Variants in ARID3A observed in about 807,000 individuals in gnomAD.
ARID3A encodes the protein AT-rich interactive domain-containing protein 3A.
In ARID3A, 11 loss-of-function variants were observed where a neutral mutation model predicts 52.7. The observed-to-expected ratio is 0.21, with a 90% CI of 0.13 to 0.35. ARID3A has a LOEUF of 0.35. ARID3A is among the 10% of genes least tolerant of loss of function. The pLI, the probability that ARID3A is intolerant of heterozygous loss-of-function variation, is 1.00. For synonymous variants in ARID3A, 404 were observed against 359.4 expected (o/e 1.12, Z -1.40); for missense variants, 721 against 838.5 (o/e 0.86, Z 1.73).
chr19:926,894 T>A (rs2037212154), intron 1 of ARID3A, among the ~76,000 whole-genome samples: 1 of 151,122 alleles, frequency 6.6e-6, no homozygotes, highest in African/African-American at 2.4e-5. Context: ...CCCCCCCCCA[T>A]GCAAATCGGC....
intron 6 of ARID3A, among the ~76,000 whole-genome samples, 190 bp from the exon 7 acceptor site, chr19:966,382 C>G (rs566171547): frequency 2.0e-5 from 3 of 148,336 alleles, no homozygotes; most frequent in Admixed American, 1.4e-4. Context: ...CACTTGAACC[C>G]GGGAGGCAGA....
intron 6 of ARID3A, among the ~76,000 whole-genome samples, chr19:965,511 TAGTG>T (rs1241647584): frequency 6.8e-6 from 1 of 147,046 alleles, no homozygotes; most frequent in African/African-American, 2.6e-5. Flanking sequence ...CTGGGCAACA[TAGTG>T]AGACCCCATC....
Position 970,767 on chromosome 19 carries a change from C to G in ARID3A, c.1595-1111C>G, listed in dbSNP as rs149825174. ...GGATTACAGGCATTAGCCACCACACCCGGCGGTAAATGAATAGTTTTTCTT... is the reference window on the plus strand; with the variant it reads ...GGATTACAGGCATTAGCCACCACACGCGGCGGTAAATGAATAGTTTTTCTT... On this transcript the variant is annotated intron_variant, in intron 8 of 8. Coordinates refer to ENST00000263620, the MANE Select transcript of ARID3A (RefSeq NM_005224.3). Among the ~76,000 whole-genome samples the G allele has an allele frequency of 1.5e-4, 23 of 151,980 alleles. 1 individual carries two copies. The South Asian group carries it at 2.3e-3, about 15-fold the overall frequency.
At position 932,639 on chromosome 19, in the gene ARID3A, G is replaced by T. The variant is rs373775705; in HGVS notation, c.590G>T (p.Arg197Leu). ...GVPRVLGGQE[R>L]PGPGPAHPGG... ...CCCAGGGTGCTGGGGGGCCAGGAGCGGCCGGGGCCTGGCCCTGCCCACCCC... is the reference window on the plus strand; with the variant it reads ...CCCAGGGTGCTGGGGGGCCAGGAGCTGCCGGGGCCTGGCCCTGCCCACCCC... The change falls in exon 3 of 9, where the codon CGG (arginine) becomes CTG (leucine). Residue 197 changes from arginine (R) to leucine (L), a missense_variant. Coordinates refer to ENST00000263620, the MANE Select transcript of ARID3A (RefSeq NM_005224.3). The T allele has an allele frequency of 3.3e-6, 5 of 1,537,414 alleles. No homozygotes were observed. The South Asian group carries it at 3.6e-5, about 11-fold the overall frequency.
intron 6 of ARID3A, chr19:965,307 CTG>C (rs2038126463): frequency 7.1e-6 from 4 of 560,452 alleles, no homozygotes; most frequent in South Asian, 2.4e-5. Context: ...GCTAATCAAT[CTG>C]TGTTTCCAGT....
chr19:929,779 G>T lies in ARID3A; in HGVS notation c.251G>T (p.Gly84Val). 6.4e-7 allele frequency: 1 copy of T among 1,551,336 alleles called. No homozygotes were observed. Among genetic ancestry groups the T allele is most frequent in the Non-Finnish European group, 8.7e-7 (1 of 1,153,112 alleles). ...GCCAGCCCCGGCGGCTCTGAGGATG[G>T]GCCCCCAGGCTCGGAGGAGGAGGAC... Reference protein sequence around the residue: ...HPASPGGSEDGPPGSEEEDAA... With the variant: ...HPASPGGSEDVPPGSEEEDAA... The change falls in exon 2 of 9, where the codon GGG becomes GTG. Residue 84 changes from glycine (G) to valine (V), a missense_variant. By Grantham distance (109) the Gly-to-Val change is moderately radical. Around this residue, in one of 5 missense-constraint regions of ARID3A, gnomAD observed 349 missense variants for 297.3 expected, o/e 1.17. Transcript: ENST00000263620. The surrounding 1 kb of genome is among the most constrained non-coding windows in gnomAD (Gnocchi z 6.2).
At chr19:966,187 C>T (rs561128714) in intron 6 of ARID3A, among the ~76,000 whole-genome samples, 47 of 147,638 alleles carry the variant, frequency 3.2e-4, no homozygotes, top group South Asian at 6.6e-4. Context: ...AGGCTGGGCG[C>T]GGTGGCTCAC....
intron 2 of ARID3A, among the ~76,000 whole-genome samples, chr19:930,795 C>A (rs1013750459): frequency 2.6e-5 from 4 of 151,570 alleles, no homozygotes; most frequent in South Asian, 2.1e-4. Flanking sequence ...AGGCGTGAGC[C>A]ACCACACCCG....
At chr19:968,561 C>G (rs978670335) in intron 8 of ARID3A, 58 bp downstream of exon 8, 80 of 1,546,278 alleles carry the variant, frequency 5.2e-5, no homozygotes, top group Non-Finnish European at 6.9e-5. Context: ...GCCGTGAACT[C>G]AGGACCCTGA....
intron 3 of ARID3A, among the ~76,000 whole-genome samples, chr19:951,778 G>A (rs909604484): frequency 2.6e-5 from 4 of 152,166 alleles, no homozygotes; most frequent in Non-Finnish European, 5.9e-5. Context: ...TCTGGCCTTA[G>A]AGGAAAACAT....
At chr19:932,118 C>T (rs1217321022) in intron 2 of ARID3A, among the ~76,000 whole-genome samples, 2 of 152,118 alleles carry the variant, frequency 1.3e-5, no homozygotes, top group Non-Finnish European at 2.9e-5. Context: ...GCCTTGGCCT[C>T]CCAGAGTGCT....
At chr19:931,557 A>C (rs1262385862) in intron 2 of ARID3A, among the ~76,000 whole-genome samples, 2 of 152,042 alleles carry the variant, frequency 1.3e-5, no homozygotes, top group Admixed American at 6.5e-5. Context: ...TCACGCCTGT[A>C]ATCCCAGCAC....
rs369658665 is a variant in ARID3A at position 932,766 on chromosome 19, C to T, written c.693+24C>T. On this transcript the variant is annotated intron_variant, in intron 3 of 8. Transcript: ENST00000263620. The stretch of plus-strand genomic sequence containing the variant: ...AGGTGAGTGGGCGCGTCCCGCGTGG[C>T]GGCTGAGGCACCTGCTCCTGGGCCA... The T allele has an allele frequency of 1.2e-4, 192 of 1,545,942 alleles. No individual in the cohort carries two copies. The African/African-American group carries it at 1.9e-3, about 15-fold the overall frequency.
In ARID3A at chr19:938,711, C is replaced by T. The variant is rs369013267; in HGVS notation, c.693+5969C>T. ...TGTGTGGGCACTGGGGCAGGGACGG[C>T]CACCAGCAGCCTCTCAGGCTCAAGG... On this transcript the variant is annotated intron_variant, in intron 3 of 8. Transcript: ENST00000263620. This position sits in a 1 kb window ranked among gnomAD's most constrained non-coding sequence, Gnocchi z 4.0. Among the ~76,000 whole-genome samples, 37 of 152,300 alleles carry T rather than the reference C, an allele frequency of 2.4e-4. 3 individuals carry two copies. The South Asian group carries it at 7.2e-3, about 30-fold the overall frequency.
At chr19:949,308 G>GGGAGCA (rs1290693258) in intron 3 of ARID3A, among the ~76,000 whole-genome samples, 1 of 152,106 alleles carries the variant, frequency 6.6e-6, no homozygotes, top group Non-Finnish European at 1.5e-5. Flanking sequence ...TGCCCACCTG[G>GGGAGCA]GGAGCAGCAG....
intron 3 of ARID3A, among the ~76,000 whole-genome samples, chr19:933,285 G>T (rs537698270): frequency 6.6e-6 from 1 of 152,324 alleles, no homozygotes; most frequent in South Asian, 2.1e-4. Context: ...GGCGGTTAAG[G>T]CTGGGGCCGG....
rs200120532 is a variant in ARID3A at position 975,736 on chromosome 19, GAA to G, written c.*3685_*3686del. The stretch of plus-strand genomic sequence containing the variant: ...TCGCAGAACATTCAGGTATTAAAAG[GAA>G]AAAAAAAAAAAAAGACAAAAAGACC... On this transcript the variant is annotated 3_prime_UTR_variant, in exon 9 of 9. Coordinates refer to ENST00000263620, the MANE Select transcript of ARID3A (RefSeq NM_005224.3). 598 of 92,224 alleles carry G rather than the reference GAA, an allele frequency of 6.5e-3. No homozygotes were observed. The highest frequency in any genetic ancestry group is 0.019 in the East Asian group (143 of 7,340). 5.7% of individuals were successfully genotyped at this position (92,224 alleles called of 1,614,324 possible).
intron 3 of ARID3A, among the ~76,000 whole-genome samples, chr19:953,087 G>T (rs903603330): frequency 6.6e-6 from 1 of 151,986 alleles, no homozygotes; most frequent in East Asian, 1.9e-4. Flanking sequence ...TCCCAGAGCC[G>T]GTGGGCTGGG....
chr19:959,967 T>C lies in ARID3A; in HGVS notation c.694-125T>C. 1 of 686,980 alleles carries C rather than the reference T, an allele frequency of 1.5e-6. No individual in the cohort carries two copies. The highest frequency in any genetic ancestry group is 2.6e-5 in the South Asian group (1 of 38,510). The allele number at this position is 686,980 out of a possible 1,614,324, so 42.6% of individuals were successfully genotyped here. A position where few individuals can be genotyped will look rare whatever the true frequency, so the allele number is the denominator to read the frequency against. On this transcript the variant is annotated intron_variant, in intron 3 of 8. Transcript: ENST00000263620. This position sits in a 1 kb window ranked among gnomAD's most constrained non-coding sequence, Gnocchi z 5.0. ...CGGGGTCTTCGGCTCTGGCAGCGGC[T>C]TGAGGGTCCTAGGGGTGGTGACCCC...
Sources: gnomAD v4.1 joint callset for allele counts (sites outside exome capture counted in the v4.1 genomes callset) on GRCh38, gnomAD v4.1.1 for gene constraint, gnomAD v4.1.1 regional missense constraint, Gnocchi (gnomAD v3.1) non-coding constraint, MANE v1.5 for transcripts, NCBI Gene and HGNC (gene_info 2026-07-23, HGNC 2026-07-21) for gene names.